Variants in TICRR observed in about 807,000 individuals in gnomAD.
The protein encoded by TICRR is treslin.
In TICRR, 132 loss-of-function variants were observed where a neutral mutation model predicts 178.1. The observed-to-expected ratio is 0.74, with a 90% CI of 0.64 to 0.86. The LOEUF (loss-of-function observed/expected upper bound fraction) is 0.86. Ranked by LOEUF, TICRR falls within the 40% of genes least tolerant of loss-of-function variation. The pLI, the probability that TICRR is intolerant of heterozygous loss-of-function variation, is 0.00. For synonymous variants in TICRR, 991 were observed against 900.7 expected (o/e 1.10, Z -1.79); for missense variants, 2,587 against 2,334.3 (o/e 1.11, Z -2.23).
intron 7 of TICRR, among the ~76,000 whole-genome samples, chr15:89,596,321 G>C (rs1271864167): frequency 6.6e-6 from 1 of 151,744 alleles, no homozygotes; most frequent in Non-Finnish European, 1.5e-5. Flanking sequence ...TCTTGCTATA[G>C]AGTTTTCTGT....
Position 89,576,167 on chromosome 15 carries a change from C to A in TICRR, c.581C>A (p.Pro194His). 6.2e-7 allele frequency: 1 copy of A among 1,603,574 alleles called. No individual in the cohort carries two copies. The highest frequency in any genetic ancestry group is 8.5e-7 in the Non-Finnish European group (1 of 1,179,774). Residue 194 changes from proline (P) to histidine (H), a missense_variant, in exon 1 of 22, where the codon CCC becomes CAC. Pro to His is a moderately conservative substitution (Grantham distance 77). Coordinates refer to ENST00000268138, the MANE Select transcript of TICRR (RefSeq NM_152259.4). Reference protein sequence around the residue: ...TPKQVMEKLLPKRVREVMVAR... With the variant: ...TPKQVMEKLLHKRVREVMVAR... The stretch of plus-strand genomic sequence containing the variant: ...AAGCAGGTGATGGAGAAGTTGTTGC[C>A]CAAGAGAGTCCGGGAAGTCATGGTC...
At chr15:89,597,211 T>A (rs1963011792) in intron 7 of TICRR, among the ~76,000 whole-genome samples, 2 of 152,088 alleles carry the variant, frequency 1.3e-5, no homozygotes, top group African/African-American at 4.8e-5. Flanking sequence ...ACTATTGTAT[T>A]GTCTTTGCTC....
rs1187201932 is a variant in TICRR, at chr15:89,625,610, A to G, written c.5300A>G (p.Gln1767Arg). The change falls in exon 20 of 22, where the codon CAG becomes CGG. Residue 1767 changes from glutamine (Q) to arginine (R), a missense_variant. Gln to Arg is a conservative substitution (Grantham distance 43). Coordinates refer to ENST00000268138, the MANE Select transcript of TICRR (RefSeq NM_152259.4). Reference protein sequence around the residue: ...PKAEEASSWGQFGLSSRKRVL... With the variant: ...PKAEEASSWGRFGLSSRKRVL... The stretch of plus-strand genomic sequence containing the variant: ...GCCGAGGAAGCCTCTTCCTGGGGAC[A>G]GTTTGGGTTGAGTTCCAGGAAGAGA... 5.6e-6 allele frequency: 9 copies of G among 1,613,058 alleles called. No individual in the cohort carries two copies. Among genetic ancestry groups the G allele is most frequent in the African/African-American group, 1.3e-5 (1 of 74,896 alleles).
Position 89,625,962 on chromosome 15 carries a change from G to C in TICRR, c.5503G>C (p.Val1835Leu), listed in dbSNP as rs138294313. The C allele has an allele frequency of 6.3e-7, 1 of 1,596,176 alleles. No individual in the cohort carries two copies. Among genetic ancestry groups the C allele is most frequent in the Non-Finnish European group, 8.5e-7 (1 of 1,172,474 alleles). Reference sequence around the variant, plus strand: ...CTCCACCCCACCTCCCAGCTGTGCCGTGCGGAGCTGCCTCTCTGCCAGTGC... The same window carrying C: ...CTCCACCCCACCTCCCAGCTGTGCCCTGCGGAGCTGCCTCTCTGCCAGTGC... ...SGSTPPPSCA[V>L]RSCLSASALQ... is the part of the protein sequence containing the mutation. Residue 1835 changes from valine to leucine, a missense_variant, in exon 21 of 22, where the codon GTG becomes CTG. Coordinates refer to ENST00000268138, the MANE Select transcript of TICRR (RefSeq NM_152259.4).
chr15:89,622,340 T>G (rs967853454), intron 19 of TICRR, among the ~76,000 whole-genome samples: 2 of 151,990 alleles, frequency 1.3e-5, no homozygotes, highest in Admixed American at 1.3e-4. Flanking sequence ...ATTCCTACCC[T>G]AGTTCAGGTC....
At chr15:89,583,379 G>C (rs1396602563) in intron 2 of TICRR, among the ~76,000 whole-genome samples, 1 of 152,088 alleles carries the variant, frequency 6.6e-6, no homozygotes, top group East Asian at 1.9e-4. Flanking sequence ...CTTGTTACCA[G>C]GAAAAGCAAA....
chr15:89,605,461 C>T (rs761454472), intron 13 of TICRR, among the ~76,000 whole-genome samples: 2 of 152,140 alleles, frequency 1.3e-5, no homozygotes, highest in South Asian at 4.1e-4. Flanking sequence ...CTCCACCTCC[C>T]GGGTTCACGC....
At position 89,618,149 on chromosome 15, in the gene TICRR, G is replaced by T; in HGVS notation, c.2961-3G>T. Reference sequence around the variant, plus strand: ...GTAATCCTTGTGCATGTGGTTCCTCGAGGTCCTCTGATCCTGGTCCTGATA... The same window carrying T: ...GTAATCCTTGTGCATGTGGTTCCTCTAGGTCCTCTGATCCTGGTCCTGATA... On this transcript the variant is annotated splice_region_variant and splice_polypyrimidine_tract_variant and intron_variant, in intron 16 of 21. Coordinates refer to ENST00000268138, the MANE Select transcript of TICRR (RefSeq NM_152259.4). 6.2e-7 allele frequency: 1 copy of T among 1,614,042 alleles called. No individual in the cohort carries two copies. The highest frequency in any genetic ancestry group is 1.3e-5 in the African/African-American group (1 of 75,020).
At position 89,601,854 on chromosome 15, in the gene TICRR, A is replaced by G. The variant is rs1300710141; in HGVS notation, c.2445A>G (p.Thr815=). Residue 815 remains threonine (T), a synonymous_variant, in exon 12 of 22, where the codon ACA becomes ACG. Transcript: ENST00000268138. ...ATTTTTTCAGTGATGACTCCATGAC[A>G]CAAGAGAACAAATCACCACTTCTTT... ...PTDFFSDDSM[T]QENKSPLLSV... is the part of the protein sequence containing the mutation. 1 of 1,614,144 alleles carries G rather than the reference A, an allele frequency of 6.2e-7. No individual in the cohort carries two copies. The highest frequency in any genetic ancestry group is 1.7e-5 in the Admixed American group (1 of 60,028).
At position 89,582,763 on chromosome 15, in the gene TICRR, A is replaced by G. The variant is rs1403218055; in HGVS notation, c.732A>G (p.Pro244=). 1 of 1,614,092 alleles carries G rather than the reference A, an allele frequency of 6.2e-7. No individual in the cohort carries two copies. The highest frequency in any genetic ancestry group is 1.1e-5 in the South Asian group (1 of 91,088). Residue 244 remains proline (P), a synonymous_variant, in exon 2 of 22, where the codon CCA becomes CCG. Coordinates refer to ENST00000268138, the MANE Select transcript of TICRR (RefSeq NM_152259.4). ...LLHHGGGTVL[P]SESFSWDFAQ... is the part of the protein sequence containing the mutation. The stretch of plus-strand genomic sequence containing the variant: ...ACCACGGAGGTGGCACTGTCTTGCC[A>G]TCTGAATCTTTCAGCTGGGATTTTG...
Position 89,599,324 on chromosome 15 carries a change from A to G in TICRR, c.1901A>G (p.Asp634Gly). The change falls in exon 8 of 22, where the codon GAT (aspartate) becomes GGT (glycine). Residue 634 changes from aspartate (D) to glycine (G), a missense_variant and splice_region_variant. Coordinates refer to ENST00000268138, the MANE Select transcript of TICRR (RefSeq NM_152259.4). ...CCATTTTATTTTATTTTTTTCTCAG[A>G]TTTTAAAACTGAGGAAGAGCTGCTA... ...GRTLRSSKPK[D>G]FKTEEELLSY... The G allele has an allele frequency of 6.3e-7, 1 of 1,596,034 alleles. No individual in the cohort carries two copies. Among genetic ancestry groups the G allele is most frequent in the Non-Finnish European group, 8.5e-7 (1 of 1,174,116 alleles).
intron 15 of TICRR, among the ~76,000 whole-genome samples, chr15:89,613,752 T>C (rs1214324945): frequency 1.3e-5 from 2 of 151,132 alleles, no homozygotes; most frequent in African/African-American, 4.9e-5. Flanking sequence ...TTTTTTTTTT[T>C]TTTTCCGTCT....
At chr15:89,592,309 C>A in intron 5 of TICRR, 133 bp downstream of exon 5, 1 of 641,444 alleles carries the variant, frequency 1.6e-6, no homozygotes, top group Middle Eastern at 4.5e-4. Flanking sequence ...AAATAAAATA[C>A]TCTCATACTT....
At chr15:89,620,209 CTTATT>C (rs779857004) in intron 18 of TICRR, among the ~76,000 whole-genome samples, 12 of 152,214 alleles carry the variant, frequency 7.9e-5, no homozygotes, top group Non-Finnish European at 1.6e-4. Flanking sequence ...ATTTGTGTTT[CTTATT>C]TTATCTTTTT....
chr15:89,576,950 C>A (rs1172796967), intron 1 of TICRR, among the ~76,000 whole-genome samples: 3 of 151,328 alleles, frequency 2.0e-5, no homozygotes, highest in African/African-American at 7.3e-5. Context: ...GTCGCCCAGG[C>A]TGGAATGCAG....
chr15:89,614,155 AAAAT>A (rs907507106), intron 15 of TICRR, among the ~76,000 whole-genome samples: 17 of 152,086 alleles, frequency 1.1e-4, no homozygotes, highest in Middle Eastern at 3.4e-3. Context: ...CTCTGTCTCA[AAAAT>A]AAATAAATAA....
chr15:89,608,512 C>G (rs1047745151), intron 14 of TICRR, among the ~76,000 whole-genome samples: 10 of 152,178 alleles, frequency 6.6e-5, no homozygotes, highest in African/African-American at 2.4e-4. Flanking sequence ...AATGAATAGT[C>G]TTTTGCACAA....
rs772497877 is a variant in TICRR, at chr15:89,600,668, G to C, written c.2136G>C (p.Lys712Asn). 2.6e-6 allele frequency: 4 copies of C among 1,563,772 alleles called. No individual in the cohort carries two copies. Among genetic ancestry groups the C allele is most frequent in the Non-Finnish European group, 3.5e-6 (4 of 1,143,824 alleles). The change falls in exon 9 of 22, where the codon AAG (lysine) becomes AAC (asparagine). Residue 712 changes from lysine to asparagine, a missense_variant. Coordinates refer to ENST00000268138, the MANE Select transcript of TICRR (RefSeq NM_152259.4). ...AGAATCTAGGAAAAAAACTGGATAA[G>C]GAAGACAAAGTTAGAGAGTAAGTAA... ...LRQNLGKKLD[K>N]EDKVRECQLQ...
At chr15:89,626,211 C>T in intron 21 of TICRR, 150 bp downstream of exon 21, 1 of 786,830 alleles carries the variant, frequency 1.3e-6, no homozygotes, top group Non-Finnish European at 1.9e-6. Context: ...TGTGCCCTTC[C>T]CAGAGAAACT....
Sources: allele counts gnomAD v4.1 joint callset (sites outside exome capture counted in the v4.1 genomes callset), GRCh38; gene constraint gnomAD v4.1.1; transcripts MANE v1.5; gene names NCBI Gene and HGNC (gene_info 2026-07-23, HGNC 2026-07-21).